The following LAMC3 variants were observed in gnomAD, a reference collection of about 807,000 sequenced individuals.
The protein encoded by LAMC3 is laminin subunit gamma 3.
A neutral mutation model predicts 173.8 loss-of-function variants in LAMC3; 128 were observed. The observed-to-expected ratio is 0.74, with a 90% CI of 0.64 to 0.85. LAMC3 has a LOEUF of 0.85. LAMC3 is among the 40% of genes least tolerant of loss of function. The probability of loss-of-function intolerance (pLI) is 0.00; values close to 1 mark genes in which losing one functional copy is unlikely to be tolerated. For synonymous variants in LAMC3, 897 were observed against 909.1 expected, an observed-to-expected ratio of 0.99 and a Z score of 0.24; for missense variants, 2,022 against 2,156.0, an observed-to-expected ratio of 0.94 and a Z score of 1.23.
At chr9:131,042,213 C>T (rs965901983) in intron 7 of LAMC3, among the ~76,000 whole-genome samples, 8 of 151,306 alleles carry the variant, frequency 5.3e-5, no homozygotes, top group East Asian at 1.9e-4. Context: ...GTATTATCAA[C>T]GCTCCCCTTT....
At position 131,036,066 on chromosome 9, in the gene LAMC3, G is replaced by A. The variant is rs1833937625; in HGVS notation, c.810-100G>A. 1.6e-5 allele frequency: 20 copies of A among 1,256,138 alleles called. No homozygotes were observed. In the Admixed American group the frequency reaches 3.4e-4, roughly 21 times the overall value. 77.8% of individuals were successfully genotyped at this position (1,256,138 alleles called of 1,614,324 possible). On this transcript the variant is annotated intron_variant, in intron 3 of 27. Transcript: ENST00000361069. ...AGTGAGGGCCAAGATTGAGGGTGGA[G>A]TCTGGCTCACACCTGCAAACAGGGG...
At chr9:131,075,994 CTTTGG>C (rs750713008) in intron 21 of LAMC3, 29 bp downstream of exon 21, 2 of 1,580,562 alleles carry the variant, frequency 1.3e-6, no homozygotes, top group Non-Finnish European at 1.7e-6. Context: ...TGGGTAGAAA[CTTTGG>C]GGTTGGCCTC....
At chr9:131,075,173 C>T (rs917341187) in intron 20 of LAMC3, among the ~76,000 whole-genome samples, 1 of 152,082 alleles carries the variant, frequency 6.6e-6, no homozygotes, top group African/African-American at 2.4e-5. Flanking sequence ...AAGGCTGAGG[C>T]GAGAGGATCC....
rs1459806326 is a variant in LAMC3, at chr9:131,029,050, G to A, written c.678+2461G>A. Among the ~76,000 whole-genome samples the A allele has an allele frequency of 6.6e-6, 1 of 152,210 alleles. No homozygotes were observed. The highest frequency in any genetic ancestry group is 1.5e-5 in the Non-Finnish European group (1 of 68,040). On this transcript the variant is annotated intron_variant, in intron 2 of 27. Transcript: ENST00000361069. The surrounding 1 kb of genome is among the most constrained non-coding windows in gnomAD (Gnocchi z 4.6). ...ACCTGTCTCCAGCCCCTCCAGAGGTGAAGCCGATTCTGTGTGGCCCGAGGC... is the reference window on the plus strand; with the variant it reads ...ACCTGTCTCCAGCCCCTCCAGAGGTAAAGCCGATTCTGTGTGGCCCGAGGC...
chr9:131,054,306 T>TG (rs1378651326), intron 11 of LAMC3, among the ~76,000 whole-genome samples: 2 of 152,182 alleles, frequency 1.3e-5, no homozygotes, highest in African/African-American at 2.4e-5. Context: ...CCAAGGGTGC[T>TG]GGGATGCCCT....
chr9:131,065,059 A>ACG (rs57431746), intron 13 of LAMC3, among the ~76,000 whole-genome samples: 6 of 135,282 alleles, frequency 4.4e-5, no homozygotes, highest in Non-Finnish European at 6.2e-5. Flanking sequence ...AAAAAAAAAA[A>ACG]GAAAAGGAAA....
At chr9:131,067,259 T>C in intron 14 of LAMC3, 54 bp downstream of exon 14, 17 of 1,606,708 alleles carry the variant, frequency 1.1e-5, no homozygotes, top group Non-Finnish European at 1.4e-5. Context: ...CCTTCTCTTC[T>C]GCCCTGGCTC....
In LAMC3 at chr9:131,038,859, C is replaced by T. The variant is rs559050330; in HGVS notation, c.977-5C>T. On this transcript the variant is annotated splice_polypyrimidine_tract_variant and splice_region_variant and intron_variant, in intron 4 of 27. Coordinates refer to ENST00000361069, the MANE Select transcript of LAMC3 (RefSeq NM_006059.4). ...TCACACACCTTTCCCCACTCCTGCCCATAGCCTGCAACTGCAGTGGCCGCT... is the reference window on the plus strand; with the variant it reads ...TCACACACCTTTCCCCACTCCTGCCTATAGCCTGCAACTGCAGTGGCCGCT... The T allele has an allele frequency of 6.2e-7, 1 of 1,612,852 alleles. No homozygotes were observed.
chr9:131,087,506 CA>C lies in LAMC3; in HGVS notation c.4262del (p.Gln1421ArgfsTer44). The C allele has an allele frequency of 6.2e-7, 1 of 1,613,800 alleles. No individual in the cohort carries two copies. The highest frequency in any genetic ancestry group is 8.5e-7 in the Non-Finnish European group (1 of 1,180,014). On this transcript the variant is annotated frameshift_variant, in exon 26 of 28. Transcript: ENST00000361069. LOFTEE classifies it high-confidence loss of function. ...CAAGGCCTTGCTGAGGGAGCGGAAA[CA>C]GGCGCACCGCCGTGCCAGCAGGCTC... ...LAKALLRERKQAHRRASRLTS... is the reference protein window; with the variant it reads ...LAKALLRERKXAHRRASRLTS...
intron 1 of LAMC3, among the ~76,000 whole-genome samples, chr9:131,014,204 T>C (rs901267627): frequency 2.6e-5 from 4 of 152,254 alleles, no homozygotes; most frequent in African/African-American, 9.6e-5. Flanking sequence ...GCATCATCCC[T>C]GTCCACTTCC....
At position 131,077,260 on chromosome 9, in the gene LAMC3, G is replaced by C. The variant is rs753453940; in HGVS notation, c.3703G>C (p.Val1235Leu). Residue 1235 changes from valine (V) to leucine (L), a missense_variant, in exon 22 of 28, where the codon GTG becomes CTG. By Grantham distance (32) the Val-to-Leu change is conservative. Coordinates refer to ENST00000361069, the MANE Select transcript of LAMC3 (RefSeq NM_006059.4). ...VAEVLPEAES[V>L]LATVQQVGAD... The stretch of plus-strand genomic sequence containing the variant: ...AGAGGTGCTGCCTGAAGCGGAAAGC[G>C]TGTTGGCCACCGTGCAGCAAGTTGG... The C allele has an allele frequency of 2.5e-6, 4 of 1,614,042 alleles. No homozygotes were observed. Among genetic ancestry groups the C allele is most frequent in the Non-Finnish European group, 2.5e-6 (3 of 1,180,026 alleles).
In LAMC3 at chr9:131,045,471, C is replaced by G. The variant is rs961365594; in HGVS notation, c.1383-53C>G. On this transcript the variant is annotated intron_variant, in intron 7 of 27. Coordinates refer to ENST00000361069, the MANE Select transcript of LAMC3 (RefSeq NM_006059.4). Reference sequence around the variant, plus strand: ...CCAGCTGGGATACCCTGGCCCCGCCCCTTCCTGGCTGATTCACGTGGCCCT... The same window carrying G: ...CCAGCTGGGATACCCTGGCCCCGCCGCTTCCTGGCTGATTCACGTGGCCCT... The G allele has an allele frequency of 2.0e-5, 32 of 1,609,530 alleles. No individual in the cohort carries two copies. In the African/African-American group the frequency reaches 4.1e-4, roughly 21 times the overall value.
intron 17 of LAMC3, among the ~76,000 whole-genome samples, chr9:131,070,416 A>T (rs569065615): frequency 6.6e-6 from 1 of 152,340 alleles, no homozygotes; most frequent in East Asian, 1.9e-4. Flanking sequence ...GAAAGATAAG[A>T]TGGCATACAC....
At chr9:131,037,418 C>G (rs541354521) in intron 4 of LAMC3, among the ~76,000 whole-genome samples, 63 of 152,208 alleles carry the variant, frequency 4.1e-4, no homozygotes, top group African/African-American at 1.4e-3. Context: ...GCAGCCGATG[C>G]CTTGGGCCTG....
intron 8 of LAMC3, among the ~76,000 whole-genome samples, chr9:131,048,327 G>A (rs1834215030): frequency 6.6e-6 from 1 of 152,148 alleles, no homozygotes; most frequent in Non-Finnish European, 1.5e-5. Context: ...AGAGTGCTGG[G>A]ATTACAGGCA....
intron 27 of LAMC3, among the ~76,000 whole-genome samples, chr9:131,089,314 TAA>T (rs1243944155): frequency 6.9e-6 from 1 of 144,596 alleles, no homozygotes; most frequent in Admixed American, 6.9e-5. Context: ...CCCTATAACT[TAA>T]AAAAAAAAAA....
At position 131,093,333 on chromosome 9, in the gene LAMC3, T is replaced by C; in HGVS notation, c.*1546T>C. On this transcript the variant is annotated 3_prime_UTR_variant, in exon 28 of 28. Transcript: ENST00000361069. ...GGTGGGGTGCGGAGAGGCCCTCAGC[T>C]GACCTCTGGTTCAGGCTCGAGACGA... The C allele has an allele frequency of 6.6e-6, 1 of 151,862 alleles. No homozygotes were observed. Among genetic ancestry groups the C allele is most frequent in the Non-Finnish European group, 1.5e-5 (1 of 68,118 alleles). The allele number at this position is 151,862 out of a possible 1,614,324, so 9.4% of individuals were successfully genotyped here.
At position 131,009,359 on chromosome 9, in the gene LAMC3, C is replaced by A. The variant is rs1415783548; in HGVS notation, c.145C>A (p.Gln49Lys). Residue 49 changes from glutamine to lysine, a missense_variant, in exon 1 of 28, where the codon CAG (glutamine) becomes AAG (lysine). Physicochemically the swap from Gln to Lys is moderately conservative, Grantham distance 53. Transcript: ENST00000361069. The surrounding 1 kb of genome is among the most constrained non-coding windows in gnomAD (Gnocchi z 4.3). ...GAACGCGGCGTTTGGGCGGCTCGCCCAGGCCTCGCACACGTGCGGCAGCCC... is the reference window on the plus strand; with the variant it reads ...GAACGCGGCGTTTGGGCGGCTCGCCAAGGCCTCGCACACGTGCGGCAGCCC... ...FENAAFGRLAQASHTCGSPPE... is the reference protein window; with the variant it reads ...FENAAFGRLAKASHTCGSPPE... 4 of 1,512,408 alleles carry A rather than the reference C, an allele frequency of 2.6e-6. No homozygotes were observed. Among genetic ancestry groups the A allele is most frequent in the Non-Finnish European group, 3.5e-6 (4 of 1,136,518 alleles). 93.7% of individuals were successfully genotyped at this position (1,512,408 alleles called of 1,614,324 possible).
chr9:131,031,085 GT>G (rs1395688879), intron 2 of LAMC3, among the ~76,000 whole-genome samples: 1 of 152,264 alleles, frequency 6.6e-6, no homozygotes, highest in African/African-American at 2.4e-5. Context: ...GTCCCCGGCA[GT>G]AGCTCCGGTT....
Sources: gnomAD v4.1 joint callset for allele counts (sites outside exome capture counted in the v4.1 genomes callset) on GRCh38, gnomAD v4.1.1 for gene constraint, Gnocchi (gnomAD v3.1) non-coding constraint, MANE v1.5 for transcripts, NCBI Gene and HGNC (gene_info 2026-07-23, HGNC 2026-07-21) for gene names.